MNX1: variants seen among roughly 807,000 people sequenced by gnomAD.
The protein encoded by MNX1 is motor neuron and pancreas homeobox 1.
Under a neutral mutation model 17.3 loss-of-function variants are expected in MNX1, and 2 were observed. That is an observed-to-expected ratio of 0.12 (90% CI 0.05 to 0.36). MNX1 has a LOEUF of 0.36. MNX1 is among the 10% of genes least tolerant of loss of function. The pLI is 1.00. For synonymous variants in MNX1, 306 were observed against 283.1 expected (o/e 1.08, Z -0.81); for missense variants, 556 against 564.7 (o/e 0.98, Z 0.16).
intron 1 of MNX1, chr7:157,008,798 C>A (rs1377127475): frequency 3.3e-6 from 2 of 601,922 alleles, no homozygotes; most frequent in African/African-American, 1.9e-5. Flanking sequence ...ATGGGGCGAG[C>A]GGGGAGAGCC....
At position 157,006,709 on chromosome 7, in the gene MNX1, T is replaced by G. The variant is rs1369687011; in HGVS notation, c.692-70A>C. 1.3e-6 allele frequency: 2 copies of G among 1,482,610 alleles called. No homozygotes were observed. Among genetic ancestry groups the G allele is most frequent in the African/African-American group, 2.8e-5 (2 of 71,884 alleles). 91.8% of individuals were successfully genotyped at this position (1,482,610 alleles called of 1,614,324 possible). On this transcript the variant is annotated intron_variant, in intron 1 of 2. Transcript: ENST00000252971. This position sits in a 1 kb window ranked among gnomAD's most constrained non-coding sequence, Gnocchi z 6.3. The stretch of plus-strand genomic sequence containing the variant: ...CGCCCCAGCCCCTCCCGTTGCTGCT[T>G]GTACCACTACACTCAAGGCCCCAGC...
rs2134838300 is a variant in MNX1 at position 157,005,715 on chromosome 7, T to C, written c.1011A>G (p.Pro337=). 6.2e-7 allele frequency: 1 copy of C among 1,610,260 alleles called. No individual in the cohort carries two copies. ...GTCCGCTGCCCTTGTCTCCGGGCGC[T>C]GGCGGCCCCAGCAGCTCCTCGGCTC... is the stretch of plus-strand genomic sequence containing the variant. ...EPGAEELLGP[P]APGDKGSGRR... The change falls in exon 3 of 3, where the codon CCA becomes CCG. Residue 337 remains proline, a synonymous_variant. Coordinates refer to ENST00000252971, the MANE Select transcript of MNX1 (RefSeq NM_005515.4).
rs900555093 is a variant in MNX1, at chr7:157,010,391, G to A, written c.-41C>T. The A allele has an allele frequency of 1.3e-6, 2 of 1,526,158 alleles. No homozygotes were observed. The highest frequency in any genetic ancestry group is 1.4e-5 in the African/African-American group (1 of 70,772). 94.5% of individuals were successfully genotyped at this position (1,526,158 alleles called of 1,614,324 possible). A position where few individuals can be genotyped will look rare whatever the true frequency, so the allele number is the denominator to read the frequency against. ...TGGCGCTCAGGGCCCGGTGGCGGGC[G>A]ACGCGGCCGTGTGCGGGCTCGCGGA... On this transcript the variant is annotated 5_prime_UTR_variant, in exon 1 of 3. Coordinates refer to ENST00000252971, the MANE Select transcript of MNX1 (RefSeq NM_005515.4).
Position 157,006,853 on chromosome 7 carries a change from A to ATTT in MNX1, c.692-217_692-215dup, listed in dbSNP as rs373662349. 375 of 273,570 alleles carry ATTT rather than the reference A, an allele frequency of 1.4e-3. 9 individuals are homozygous for ATTT. The highest frequency in any genetic ancestry group is 7.5e-3 in the African/African-American group (201 of 26,820). 16.9% of individuals were successfully genotyped at this position (273,570 alleles called of 1,614,324 possible). Reference sequence around the variant, plus strand: ...GGATAGTTTGGAGTTAATGAGACCAATTTTTTTTTTTTTTTTTGTCTAGGA... The same window carrying ATTT: ...GGATAGTTTGGAGTTAATGAGACCAATTTTTTTTTTTTTTTTTTTTGTCTAGGA... On this transcript the variant is annotated intron_variant, in intron 1 of 2. Transcript: ENST00000252971. This position sits in a 1 kb window ranked among gnomAD's most constrained non-coding sequence, Gnocchi z 6.3.
chr7:157,006,724 A>C lies in MNX1; in HGVS notation c.692-85T>G. 10 of 1,417,342 alleles carry C rather than the reference A, an allele frequency of 7.1e-6. No homozygotes were observed. The South Asian group carries it at 1.3e-4, about 19-fold the overall frequency. 87.8% of individuals were successfully genotyped at this position (1,417,342 alleles called of 1,614,324 possible). A position where few individuals can be genotyped will look rare whatever the true frequency, so the allele number is the denominator to read the frequency against. On this transcript the variant is annotated intron_variant, in intron 1 of 2. Transcript: ENST00000252971. The surrounding 1 kb of genome is among the most constrained non-coding windows in gnomAD (Gnocchi z 6.3). ...CGTTGCTGCTTGTACCACTACACTC[A>C]AGGCCCCAGCGCCAAGGCCTGGCCC...
rs1805575736 is a variant in MNX1, at chr7:157,005,529, C to G, written c.1197G>C (p.Ala399=). The G allele has an allele frequency of 6.6e-7, 1 of 1,512,572 alleles. No homozygotes were observed. Among genetic ancestry groups the G allele is most frequent in the East Asian group, 2.7e-5 (1 of 36,928 alleles). The allele number at this position is 1,512,572 out of a possible 1,614,324, so 93.7% of individuals were successfully genotyped here. Residue 399 remains alanine (A), a synonymous_variant, in exon 3 of 3, where the codon GCG becomes GCC. Coordinates refer to ENST00000252971, the MANE Select transcript of MNX1 (RefSeq NM_005515.4). ...CTGGGCCGCGGGGCTCCTACTGGGG[C>G]GCGGGCTGGTGGCTGGGCCGCGGGG... The part of the protein sequence containing the change: ...SPPPRPSHQP[A]PQ
At chr7:157,009,132 T>G in intron 1 of MNX1, 1 of 1,530,628 alleles carries the variant, frequency 6.5e-7, no homozygotes, top group Non-Finnish European at 8.7e-7. Context: ...AGCGCCCTGG[T>G]AAGAGCCGGG....
Position 157,005,061 on chromosome 7 carries a change from CT to C in MNX1, c.*458del, listed in dbSNP as rs1213360781. ...GAGACGTAAGCATAAACCCTTTTTTCTTTTTCCAAATACTCTGCAGAATGGC... is the reference window on the plus strand; with the variant it reads ...GAGACGTAAGCATAAACCCTTTTTTCTTTTCCAAATACTCTGCAGAATGGC... On this transcript the variant is annotated 3_prime_UTR_variant, in exon 3 of 3. Transcript: ENST00000252971. The C allele has an allele frequency of 4.4e-6, 1 of 224,840 alleles. No homozygotes were observed. The highest frequency in any genetic ancestry group is 8.9e-6 in the Non-Finnish European group (1 of 112,840). The allele number at this position is 224,840 out of a possible 1,614,324, so 13.9% of individuals were successfully genotyped here.
Position 157,006,264 on chromosome 7 carries a change from C to G in MNX1, c.852+215G>C. The G allele has an allele frequency of 1.7e-6, 1 of 599,696 alleles. No individual in the cohort carries two copies. The highest frequency in any genetic ancestry group is 2.9e-6 in the Non-Finnish European group (1 of 340,758). 37.1% of individuals were successfully genotyped at this position (599,696 alleles called of 1,614,324 possible). A position where few individuals can be genotyped will look rare whatever the true frequency, so the allele number is the denominator to read the frequency against. On this transcript the variant is annotated intron_variant, in intron 2 of 2. Transcript: ENST00000252971. The surrounding 1 kb of genome is among the most constrained non-coding windows in gnomAD (Gnocchi z 6.3). ...AATGCGGCCTGGGGATCACCTTCTTCAGAATGAAAGGAGGGGTGGTTAAGT... is the reference window on the plus strand; with the variant it reads ...AATGCGGCCTGGGGATCACCTTCTTGAGAATGAAAGGAGGGGTGGTTAAGT...
In MNX1 at chr7:157,006,607, G is replaced by T; in HGVS notation, c.724C>A (p.Arg242Ser). 1 of 1,602,360 alleles carries T rather than the reference G, an allele frequency of 6.2e-7. No homozygotes were observed. Among genetic ancestry groups the T allele is most frequent in the South Asian group, 1.1e-5 (1 of 88,652 alleles). Residue 242 changes from arginine to serine, a missense_variant, in exon 2 of 3, where the codon CGC becomes AGC. Physicochemically the swap from Arg to Ser is moderately radical, Grantham distance 110 (BLOSUM62 -1). Transcript: ENST00000252971. The surrounding 1 kb of genome is among the most constrained non-coding windows in gnomAD (Gnocchi z 6.3). Reference sequence around the variant, plus strand: ...CTGGTGAAGGCGGTGCGCGGCCGGCGGCACTTCCCCAGGAGGTTCGACTGC... The same window carrying T: ...CTGGTGAAGGCGGTGCGCGGCCGGCTGCACTTCCCCAGGAGGTTCGACTGC... The part of the protein sequence containing the change: ...QAQSNLLGKC[R>S]RPRTAFTSQQ...
At chr7:157,007,896 C>A (rs531754987) in intron 1 of MNX1, 1 of 152,272 alleles carries the variant, frequency 6.6e-6, no homozygotes, top group Non-Finnish European at 1.5e-5. Flanking sequence ...ACCACTGGCT[C>A]CGGAGGGACC....
In MNX1 at chr7:157,010,521, C is replaced by T; in HGVS notation, c.-171G>A. 2 of 434,500 alleles carry T rather than the reference C, an allele frequency of 4.6e-6. No homozygotes were observed. Among genetic ancestry groups the T allele is most frequent in the Non-Finnish European group, 8.1e-6 (2 of 246,452 alleles). The allele number at this position is 434,500 out of a possible 1,614,324, so 26.9% of individuals were successfully genotyped here. The stretch of plus-strand genomic sequence containing the variant: ...ACTCAGCCGAGGGTGACCATGGTCC[C>T]GGCGCCTCCTCCGTGCGGGCCCCGC... On this transcript the variant is annotated 5_prime_UTR_variant, in exon 1 of 3. Transcript: ENST00000252971.
At chr7:157,009,469 T>C (rs954111190) in intron 1 of MNX1, 191 bp downstream of exon 1, 6 of 1,434,460 alleles carry the variant, frequency 4.2e-6, no homozygotes, top group Non-Finnish European at 4.5e-6. Context: ...ATGGCCATTT[T>C]AATAATTCGC....
Position 157,010,530 on chromosome 7 carries a change from C to T in MNX1, c.-180G>A. 2.4e-6 allele frequency: 1 copy of T among 420,454 alleles called. No individual in the cohort carries two copies. The highest frequency in any genetic ancestry group is 4.2e-6 in the Non-Finnish European group (1 of 236,222). The allele number at this position is 420,454 out of a possible 1,614,324, so 26.0% of individuals were successfully genotyped here. A position where few individuals can be genotyped will look rare whatever the true frequency, so the allele number is the denominator to read the frequency against. ...AGGGTGACCATGGTCCCGGCGCCTCCTCCGTGCGGGCCCCGCCCCGGGCCG... is the reference window on the plus strand; with the variant it reads ...AGGGTGACCATGGTCCCGGCGCCTCTTCCGTGCGGGCCCCGCCCCGGGCCG... On this transcript the variant is annotated 5_prime_UTR_variant, in exon 1 of 3. Coordinates refer to ENST00000252971, the MANE Select transcript of MNX1 (RefSeq NM_005515.4).
chr7:157,010,328 C>T lies in MNX1; in HGVS notation c.23G>A (p.Arg8His). The stretch of plus-strand genomic sequence containing the variant: ...GTCCACCGCCAGCAGGGCGTCGATG[C>T]GGAAATTTTTGGATTTTTCCATCGG... MEKSKNF[R>H]IDALLAVDPP... Residue 8 changes from arginine to histidine, a missense_variant, in exon 1 of 3, where the codon CGC (arginine) becomes CAC (histidine). Arg to His is a conservative substitution (Grantham distance 29). This residue lies in a region of MNX1 where 45 missense variants were observed against 42.0 expected (regional missense o/e 1.07). Transcript: ENST00000252971. 6.3e-7 allele frequency: 1 copy of T among 1,582,658 alleles called. No individual in the cohort carries two copies. The highest frequency in any genetic ancestry group is 8.6e-7 in the Non-Finnish European group (1 of 1,165,274).
chr7:157,009,149 C>T, intron 1 of MNX1: 1 of 1,518,546 alleles, frequency 6.6e-7, no homozygotes, highest in Non-Finnish European at 8.8e-7. Context: ...CGGGGGTTCC[C>T]TGGGCCTTGG....
Position 157,006,691 on chromosome 7 carries a change from G to GC in MNX1, c.692-53dup. The GC allele has an allele frequency of 6.6e-7, 1 of 1,519,312 alleles. No homozygotes were observed. Among genetic ancestry groups the GC allele is most frequent in the Non-Finnish European group, 8.8e-7 (1 of 1,132,510 alleles). 94.1% of individuals were successfully genotyped at this position (1,519,312 alleles called of 1,614,324 possible). ...ACAGCCGGCTCCGGTCCTCGCCCCA[G>GC]CCCCTCCCGTTGCTGCTTGTACCAC... On this transcript the variant is annotated intron_variant, in intron 1 of 2. Transcript: ENST00000252971. The surrounding 1 kb of genome is among the most constrained non-coding windows in gnomAD (Gnocchi z 6.3).
In MNX1 at chr7:157,006,681, C is replaced by T. The variant is rs762761828; in HGVS notation, c.692-42G>A. 6.5e-7 allele frequency: 1 copy of T among 1,532,550 alleles called. No individual in the cohort carries two copies. Among genetic ancestry groups the T allele is most frequent in the South Asian group, 1.2e-5 (1 of 83,262 alleles). The allele number at this position is 1,532,550 out of a possible 1,614,324, so 94.9% of individuals were successfully genotyped here. On this transcript the variant is annotated intron_variant, in intron 1 of 2. Transcript: ENST00000252971. This position sits in a 1 kb window ranked among gnomAD's most constrained non-coding sequence, Gnocchi z 6.3. ...AGTGAGGCCCACAGCCGGCTCCGGT[C>T]CTCGCCCCAGCCCCTCCCGTTGCTG...
intron 1 of MNX1, 175 bp downstream of exon 1, chr7:157,009,485 G>C: frequency 7.0e-7 from 1 of 1,435,058 alleles, no homozygotes; most frequent in Non-Finnish European, 9.1e-7. Context: ...TTCGCTGCCC[G>C]TCTCATGCCT....
Sources: allele counts gnomAD v4.1 joint callset, GRCh38; gene constraint gnomAD v4.1.1; regional missense constraint gnomAD v4.1.1; non-coding constraint Gnocchi (gnomAD v3.1); transcripts MANE v1.5; gene names NCBI Gene and HGNC (gene_info 2026-07-23, HGNC 2026-07-21).